The following TECTA variants were observed in gnomAD, a reference collection of about 807,000 sequenced individuals.
TECTA encodes the protein alpha-tectorin.
TECTA carries 128 observed loss-of-function variants against 216.8 expected under a neutral mutation model. That is an observed-to-expected ratio of 0.59 (90% confidence interval 0.51 to 0.68). The LOEUF is 0.68. Ranked by LOEUF, TECTA falls within the 30% of genes least tolerant of loss-of-function variation. The pLI, the probability that TECTA is intolerant of heterozygous loss-of-function variation, is 0.00. For missense variants in TECTA, 2,551 were observed against 2,786.2 expected (o/e 0.92, Z 1.90); for synonymous variants, 1,089 against 1,117.1 (o/e 0.97, Z 0.50).
At chr11:121,110,583 T>G (rs991476469) in intron 4 of TECTA, 1 of 152,188 alleles carries the variant, frequency 6.6e-6, no homozygotes, top group Non-Finnish European at 1.5e-5. Flanking sequence ...AAATAACCTC[T>G]AAAGAAGCAC....
intron 2 of TECTA, among the ~76,000 whole-genome samples, chr11:121,103,611 G>A (rs1477957063): frequency 1.3e-5 from 2 of 151,994 alleles, no homozygotes; most frequent in African/African-American, 4.8e-5. Context: ...ACATAGCTAT[G>A]TTTATTGTGA....
At position 121,128,242 on chromosome 11, in the gene TECTA, C is replaced by G; in HGVS notation, c.2265C>G (p.Asn755Lys). The G allele has an allele frequency of 3.7e-6, 6 of 1,600,750 alleles. No homozygotes were observed. Among genetic ancestry groups the G allele is most frequent in the East Asian group, 4.5e-5 (2 of 44,860 alleles). ...CAGAGTACTTGGAAATCGACATCAACAAGAAGAAGCCCGATGCAGGACCTG... is the reference window on the plus strand; with the variant it reads ...CAGAGTACTTGGAAATCGACATCAAGAAGAAGAAGCCCGATGCAGGACCTG... ...ERPEYLEIDI[N>K]KKKPDAGPAW... The change falls in exon 9 of 24, where the codon AAC (asparagine) becomes AAG (lysine). Residue 755 changes from asparagine to lysine, a missense_variant. Physicochemically the swap from Asn to Lys is moderately conservative, Grantham distance 94. This residue lies in a region of TECTA where 2,375 missense variants were observed against 2,563.9 expected (regional missense o/e 0.93). Transcript: ENST00000392793.
At chr11:121,175,707 T>A (rs1947158976) in intron 20 of TECTA, among the ~76,000 whole-genome samples, 1 of 152,254 alleles carries the variant, frequency 6.6e-6, no homozygotes, top group Non-Finnish European at 1.5e-5. Context: ...GTCTATTAGG[T>A]CTGCTTGGAG....
At position 121,160,210 on chromosome 11, in the gene TECTA, G is replaced by A. The variant is rs1280772718; in HGVS notation, c.4765G>A (p.Val1589Met). ...AATCTACAGCAGTGAGGGGTTTCTG[G>A]TGATTGACACCAGCCCAGACATCCA... is the stretch of plus-strand genomic sequence containing the variant. ...TKIYSSEGFL[V>M]IDTSPDIQIY... Residue 1589 changes from valine to methionine, a missense_variant, in exon 15 of 24, where the codon GTG (valine) becomes ATG (methionine). By Grantham distance (21) the Val-to-Met change is conservative. Coordinates refer to ENST00000392793, the MANE Select transcript of TECTA (RefSeq NM_005422.4). 6.2e-7 allele frequency: 1 copy of A among 1,614,184 alleles called. No homozygotes were observed. Among genetic ancestry groups the A allele is most frequent in the Non-Finnish European group, 8.5e-7 (1 of 1,180,048 alleles).
At chr11:121,162,488 T>C in intron 16 of TECTA, 118 bp downstream of exon 16, 4 of 1,330,678 alleles carry the variant, frequency 3.0e-6, no homozygotes, top group Non-Finnish European at 4.1e-6. Context: ...TAGATCTGCT[T>C]CCAGGATTGG....
chr11:121,182,187 G>A (rs117539672), intron 20 of TECTA, among the ~76,000 whole-genome samples: 4 of 152,182 alleles, frequency 2.6e-5, no homozygotes, highest in African/African-American at 9.7e-5. Flanking sequence ...TAGAAGGTCT[G>A]GGTGGGCCAA....
chr11:121,161,441 A>T (rs1054602280), intron 15 of TECTA, among the ~76,000 whole-genome samples: 3 of 151,832 alleles, frequency 2.0e-5, no homozygotes, highest in Admixed American at 6.6e-5. Flanking sequence ...ACATTAAGCC[A>T]TTGTAGTGTT....
rs772947201 is a variant in TECTA, at chr11:121,165,303, C to A, written c.5303C>A (p.Ala1768Glu). The A allele has an allele frequency of 1.2e-6, 2 of 1,607,666 alleles. No individual in the cohort carries two copies. Among genetic ancestry groups the A allele is most frequent in the Non-Finnish European group, 1.7e-6 (2 of 1,177,336 alleles). ...GTGGTTGAAGATCCCTGTGTGGGGG[C>A]GGACTGTCCCAACCGAACTTGCGAG... ...SGVVEDPCVGADCPNRTCELG... is the reference protein window; with the variant it reads ...SGVVEDPCVGEDCPNRTCELG... Residue 1768 changes from alanine (A) to glutamate (E), a missense_variant, in exon 17 of 24, where the codon GCG becomes GAG. Coordinates refer to ENST00000392793, the MANE Select transcript of TECTA (RefSeq NM_005422.4).
At chr11:121,154,647 C>G (rs1946924067) in intron 13 of TECTA, among the ~76,000 whole-genome samples, 1 of 152,180 alleles carries the variant, frequency 6.6e-6, no homozygotes, top group South Asian at 2.1e-4. Flanking sequence ...AACCTGGGTT[C>G]CATCCTAGCG....
At chr11:121,165,082 G>A (rs1220064838) in intron 16 of TECTA, among the ~76,000 whole-genome samples, 191 bp from the exon 17 acceptor site, 1 of 152,180 alleles carries the variant, frequency 6.6e-6, no homozygotes, top group Admixed American at 6.5e-5. Flanking sequence ...AGCTAATCCA[G>A]GCCCACAGCA....
At chr11:121,151,104 A>G (rs1383778374) in intron 12 of TECTA, among the ~76,000 whole-genome samples, 1 of 152,246 alleles carries the variant, frequency 6.6e-6, no homozygotes, top group Non-Finnish European at 1.5e-5. Context: ...AGAAATGCAA[A>G]CTAAATAAGG....
Position 121,152,959 on chromosome 11 carries a change from A to C in TECTA, c.4184A>C (p.Lys1395Thr). ...CQPRCAAIRL[K>T]SDCSHYCVEG... is the part of the protein sequence containing the mutation. ...CCCCGCTGCGCCGCCATCCGCCTGA[A>C]GAGTGACTGCAGCCACTACTGCGTG... is the stretch of plus-strand genomic sequence containing the variant. The change falls in exon 13 of 24, where the codon AAG becomes ACG. Residue 1395 changes from lysine (K) to threonine (T), a missense_variant. Lys to Thr is a moderately conservative substitution (Grantham distance 78). Around this residue, in one of 3 missense-constraint regions of TECTA, gnomAD observed 2,375 missense variants for 2,563.9 expected, o/e 0.93. Transcript: ENST00000392793. The C allele has an allele frequency of 6.2e-7, 1 of 1,614,044 alleles. No individual in the cohort carries two copies.
intron 21 of TECTA, among the ~76,000 whole-genome samples, chr11:121,188,521 C>T (rs1274462937): frequency 1.3e-5 from 2 of 152,200 alleles, no homozygotes; most frequent in African/African-American, 4.8e-5. Flanking sequence ...AGGTGTCCTG[C>T]ATCACACCTG....
intron 17 of TECTA, 97 bp downstream of exon 17, chr11:121,165,480 C>G (rs1947043788): frequency 2.0e-6 from 2 of 998,384 alleles, no homozygotes; most frequent in East Asian, 5.3e-5. Context: ...GAAGCTTTCC[C>G]AAATAGTGAA....
chr11:121,177,503 C>T (rs1373272928), intron 20 of TECTA, among the ~76,000 whole-genome samples: 1 of 152,212 alleles, frequency 6.6e-6, no homozygotes, highest in Non-Finnish European at 1.5e-5. Flanking sequence ...TTTCGTGAAC[C>T]ACAAATGCTG....
At position 121,118,630 on chromosome 11, in the gene TECTA, G is replaced by T; in HGVS notation, c.1115G>T (p.Gly372Val). The part of the protein sequence containing the change: ...SVEAKNEHRR[G>V]SAVSWVKELS... ...GAGGCCAAGAATGAACACCGCAGAG[G>T]TTCAGCCGTCTCCTGGGTGAAGGAG... Residue 372 changes from glycine (G) to valine (V), a missense_variant, in exon 7 of 24, where the codon GGT becomes GTT. By Grantham distance (109) the Gly-to-Val change is moderately radical (BLOSUM62 -3). This residue lies in a region of TECTA where 2,375 missense variants were observed against 2,563.9 expected (regional missense o/e 0.93). Transcript: ENST00000392793. 1 of 1,614,076 alleles carries T rather than the reference G, an allele frequency of 6.2e-7. No homozygotes were observed. Among genetic ancestry groups the T allele is most frequent in the Non-Finnish European group, 8.5e-7 (1 of 1,180,006 alleles).
chr11:121,102,585 T>C (rs1264474889), intron 1 of TECTA, 80 bp from the exon 2 acceptor site: 32 of 1,038,716 alleles, frequency 3.1e-5, no homozygotes, highest in Non-Finnish European at 4.7e-5. Flanking sequence ...GGTCTTGGGA[T>C]TAGCCACTAA....
chr11:121,124,500 TA>T lies in TECTA; in HGVS notation c.1204-796del, dbSNP rs1591442353. ...GACCCAGGTTAGACTTAACTGCTTC[TA>T]AAAAACTTATGTGATTCCCCTATGC... On this transcript the variant is annotated intron_variant, in intron 7 of 23. Transcript: ENST00000392793. Among the ~76,000 whole-genome samples the T allele has an allele frequency of 2.0e-5, 3 of 152,346 alleles. No homozygotes were observed. The East Asian group carries it at 5.8e-4, about 29-fold the overall frequency.
At chr11:121,123,235 G>C (rs148211645) in intron 7 of TECTA, among the ~76,000 whole-genome samples, 1 of 152,280 alleles carries the variant, frequency 6.6e-6, no homozygotes, top group African/African-American at 2.4e-5. Flanking sequence ...CATGAGCATG[G>C]ATGTCCATAG....
Sources: gnomAD v4.1 joint callset for allele counts (sites outside exome capture counted in the v4.1 genomes callset) on GRCh38, gnomAD v4.1.1 for gene constraint, gnomAD v4.1.1 regional missense constraint, MANE v1.5 for transcripts, NCBI Gene and HGNC (gene_info 2026-07-23, HGNC 2026-07-21) for gene names.